Variants in TIAM1 observed in about 807,000 individuals in gnomAD.
The protein encoded by TIAM1 is rho guanine nucleotide exchange factor TIAM1.
Under a neutral mutation model 163.5 loss-of-function variants are expected in TIAM1, and 65 were observed. The ratio of observed to expected loss-of-function variants is 0.40; its 90% CI spans 0.33 to 0.49. TIAM1 has a LOEUF of 0.49. Ranked by LOEUF, TIAM1 falls within the 20% of genes least tolerant of loss-of-function variation. TIAM1 has a pLI of 0.77. For missense variants in TIAM1, 1,789 were observed against 2,044.7 expected, an observed-to-expected ratio of 0.87 and a Z score of 2.41; for synonymous variants, 833 against 810.1, an observed-to-expected ratio of 1.03 and a Z score of -0.48.
rs190786877 is a variant in TIAM1 at position 31,154,123 on chromosome 21, A to G, written c.3171+124T>C. ...ACATTCAGAGTATAGGCAAAATTCCAGGAGAAACCAAGACGCTCTTCATGA... is the reference window on the plus strand; with the variant it reads ...ACATTCAGAGTATAGGCAAAATTCCGGGAGAAACCAAGACGCTCTTCATGA... On this transcript the variant is annotated intron_variant, in intron 17 of 27. Transcript: ENST00000541036. The G allele has an allele frequency of 4.2e-4, 475 of 1,141,216 alleles. 2 individuals are homozygous for G. The African/African-American group carries it at 6.8e-3, about 16-fold the overall frequency. The allele number at this position is 1,141,216 out of a possible 1,614,324, so 70.7% of individuals were successfully genotyped here. A position where few individuals can be genotyped will look rare whatever the true frequency, so the allele number is the denominator to read the frequency against.
intron 2 of TIAM1, among the ~76,000 whole-genome samples, chr21:31,335,968 AG>A (rs1183066689): frequency 2.0e-5 from 3 of 152,140 alleles, no homozygotes; most frequent in Non-Finnish European, 4.4e-5. Context: ...AGGGGCTGTG[AG>A]GTGCAATCAT....
chr21:31,375,447 T>G (rs926046783), intron 2 of TIAM1, among the ~76,000 whole-genome samples: 1 of 152,224 alleles, frequency 6.6e-6, no homozygotes, highest in African/African-American at 2.4e-5. Context: ...ATTATCAGAA[T>G]CACTTTCAGT....
chr21:31,385,057 T>A (rs1040390512), intron 2 of TIAM1, among the ~76,000 whole-genome samples: 1 of 152,136 alleles, frequency 6.6e-6, no homozygotes, highest in African/African-American at 2.4e-5. Context: ...CATGGCTTCA[T>A]GCTGTCTTTT....
intron 2 of TIAM1, among the ~76,000 whole-genome samples, chr21:31,319,318 G>A (rs974677430): frequency 2.0e-5 from 3 of 152,118 alleles, no homozygotes; most frequent in Non-Finnish European, 4.4e-5. Context: ...GCATATACGT[G>A]GAAGTGGAAT....
At chr21:31,510,863 G>A (rs976780068) in intron 1 of TIAM1, among the ~76,000 whole-genome samples, 1 of 151,906 alleles carries the variant, frequency 6.6e-6, no homozygotes, top group Non-Finnish European at 1.5e-5. Flanking sequence ...ATCATGTCTT[G>A]CAGATGTAAT....
At chr21:31,553,264 C>T (rs2048755134) in intron 1 of TIAM1, among the ~76,000 whole-genome samples, 1 of 152,112 alleles carries the variant, frequency 6.6e-6, no homozygotes, top group Non-Finnish European at 1.5e-5. Context: ...TGGAGATGCA[C>T]CCTGTGGTTA....
At chr21:31,458,433 A>G (rs181826428) in intron 2 of TIAM1, among the ~76,000 whole-genome samples, 2 of 152,260 alleles carry the variant, frequency 1.3e-5, no homozygotes, top group African/African-American at 4.8e-5. Flanking sequence ...AAAAAAAAGA[A>G]AAAGAAAAAG....
chr21:31,426,517 A>C (rs555252553), intron 2 of TIAM1, among the ~76,000 whole-genome samples: 3 of 152,186 alleles, frequency 2.0e-5, no homozygotes, highest in Admixed American at 2.0e-4. Context: ...AAAGAAACCA[A>C]CTGTGGTCTG....
chr21:31,389,968 G>A (rs756745447), intron 2 of TIAM1, among the ~76,000 whole-genome samples: 12 of 152,114 alleles, frequency 7.9e-5, no homozygotes, highest in Admixed American at 1.3e-4. Context: ...ATTTCCAGTG[G>A]TGGGAAAAAG....
At chr21:31,354,704 A>G (rs1202104642) in intron 2 of TIAM1, among the ~76,000 whole-genome samples, 2 of 152,218 alleles carry the variant, frequency 1.3e-5, no homozygotes, top group African/African-American at 4.8e-5. Context: ...CACAGGCACC[A>G]AGAGTTACTA....
intron 2 of TIAM1, 137 bp downstream of exon 2, chr21:31,339,106 T>G (rs1418899306): frequency 1.1e-5 from 4 of 371,958 alleles, no homozygotes; most frequent in Non-Finnish European, 1.9e-5. Flanking sequence ...CAGCAACCCT[T>G]TAACCACCAA....
intron 5 of TIAM1, among the ~76,000 whole-genome samples, chr21:31,249,565 A>G (rs1177779393): frequency 2.0e-5 from 3 of 152,192 alleles, no homozygotes; most frequent in Non-Finnish European, 4.4e-5. Context: ...ACTAATTAAT[A>G]AAATGAATGC....
At position 31,120,849 on chromosome 21, in the gene TIAM1, C is replaced by T. The variant is rs1273198350; in HGVS notation, c.4307-12G>A. 6.3e-7 allele frequency: 1 copy of T among 1,575,592 alleles called. No homozygotes were observed. Among genetic ancestry groups the T allele is most frequent in the East Asian group, 2.3e-5 (1 of 44,360 alleles). ...GCTTGGGGCAGACACTGCACACACA[C>T]ACAAAAATATAAAAATAAAACCCCC... On this transcript the variant is annotated splice_polypyrimidine_tract_variant and intron_variant, in intron 27 of 27. Transcript: ENST00000541036. The surrounding 1 kb of genome is among the most constrained non-coding windows in gnomAD (Gnocchi z 4.2).
intron 13 of TIAM1, among the ~76,000 whole-genome samples, chr21:31,187,582 C>T (rs544723095): frequency 7.9e-5 from 12 of 152,214 alleles, no homozygotes; most frequent in African/African-American, 2.4e-4. Flanking sequence ...ACTCACATTA[C>T]GAATCTGTAA....
intron 25 of TIAM1, 87 bp from the exon 26 acceptor site, chr21:31,127,239 G>A: frequency 8.2e-7 from 1 of 1,221,298 alleles, no homozygotes; most frequent in Non-Finnish European, 1.2e-6. Context: ...AGCTGTGATA[G>A]AGGATTAATA....
intron 6 of TIAM1, among the ~76,000 whole-genome samples, chr21:31,233,307 A>G (rs1460967705): frequency 6.6e-6 from 1 of 152,254 alleles, no homozygotes; most frequent in Non-Finnish European, 1.5e-5. Flanking sequence ...CTAGATAGGA[A>G]TAAAGCTCCA....
chr21:31,472,384 G>C (rs1347402740), intron 1 of TIAM1, among the ~76,000 whole-genome samples: 1 of 151,840 alleles, frequency 6.6e-6, no homozygotes, highest in Non-Finnish European at 1.5e-5. Flanking sequence ...AAAATCAACT[G>C]GGTGTGGTAG....
At chr21:31,224,258 T>C (rs946936379) in intron 7 of TIAM1, among the ~76,000 whole-genome samples, 1 of 152,188 alleles carries the variant, frequency 6.6e-6, no homozygotes, top group Non-Finnish European at 1.5e-5. Flanking sequence ...TGAGGAATGG[T>C]TGAAATCTCC....
intron 2 of TIAM1, among the ~76,000 whole-genome samples, chr21:31,463,736 TA>T (rs1366863435): frequency 6.7e-6 from 1 of 149,232 alleles, no homozygotes; most frequent in Non-Finnish European, 1.5e-5. Context: ...GGGAATGGCT[TA>T]AACCCAGGAG....
Sources: allele counts gnomAD v4.1 joint callset (sites outside exome capture counted in the v4.1 genomes callset), GRCh38; gene constraint gnomAD v4.1.1; non-coding constraint Gnocchi (gnomAD v3.1); transcripts MANE v1.5; gene names NCBI Gene and HGNC (gene_info 2026-07-23, HGNC 2026-07-21).